Variants in SNX8 observed in about 807,000 individuals in gnomAD.
SNX8 encodes the protein sorting nexin-8.
A neutral mutation model predicts 51.6 loss-of-function variants in SNX8; 25 were observed. The ratio of observed to expected loss-of-function variants is 0.48; its 90% CI spans 0.35 to 0.68. The LOEUF is 0.68. Ranked by LOEUF, SNX8 falls within the 30% of genes least tolerant of loss-of-function variation. The probability of loss-of-function intolerance (pLI) is 0.00; values close to 1 mark genes in which losing one functional copy is unlikely to be tolerated. For missense variants in SNX8, 695 were observed against 624.0 expected (o/e 1.11, Z -1.21); for synonymous variants, 324 against 277.0 (o/e 1.17, Z -1.68).
intron 7 of SNX8, 65 bp downstream of exon 7, chr7:2,263,165 C>A: frequency 1.3e-6 from 2 of 1,552,954 alleles, no homozygotes; most frequent in South Asian, 1.2e-5. Flanking sequence ...AAGCAGGAGG[C>A]ACTCCCCATG....
chr7:2,343,447 G>A (rs979335140), intron 1 of SNX8, among the ~76,000 whole-genome samples: 4 of 151,776 alleles, frequency 2.6e-5, no homozygotes, highest in Non-Finnish European at 4.4e-5. Flanking sequence ...AGGCCGAGGC[G>A]GGCGGATCAC....
chr7:2,351,482 T>C (rs1394675805), intron 1 of SNX8, among the ~76,000 whole-genome samples: 1 of 151,820 alleles, frequency 6.6e-6, no homozygotes, highest in Non-Finnish European at 1.5e-5. Context: ...GAAGCTACAG[T>C]GAGGTGCGAC....
intron 2 of SNX8, 71 bp from the exon 3 acceptor site, chr7:2,275,300 AGC>A (rs1220784928): frequency 6.0e-5 from 62 of 1,039,894 alleles, no homozygotes; most frequent in Non-Finnish European, 9.4e-5. Context: ...CCCTCAACAG[AGC>A]CCGGGAAAAC....
Position 2,255,007 on chromosome 7 carries a change from G to T in SNX8, c.*49C>A. The stretch of plus-strand genomic sequence containing the variant: ...GAATTACACCGGGACACACCGTTTG[G>T]AAAGAGGTTTTAGTGCGGCCGCAGG... On this transcript the variant is annotated 3_prime_UTR_variant, in exon 11 of 11. Transcript: ENST00000222990. 1.6e-6 allele frequency: 2 copies of T among 1,236,860 alleles called. No individual in the cohort carries two copies. The highest frequency in any genetic ancestry group is 2.3e-6 in the Non-Finnish European group (2 of 862,492). The allele number at this position is 1,236,860 out of a possible 1,614,324, so 76.6% of individuals were successfully genotyped here.
At chr7:2,275,997 C>CAA (rs772419452) in intron 2 of SNX8, among the ~76,000 whole-genome samples, 24 of 105,004 alleles carry the variant, frequency 2.3e-4, no homozygotes, top group Admixed American at 3.0e-4. Context: ...GACTCCATTT[C>CAA]AAAAAAAAAA....
At position 2,322,295 on chromosome 7, in the gene SNX8, G is replaced by A. The variant is rs528510716; in HGVS notation, c.-66+31927C>T. 3.3e-5 allele frequency among the ~76,000 whole-genome samples: 5 copies of A among 152,296 alleles called. 1 individual carries two copies. Among genetic ancestry groups the A allele is most frequent in the South Asian group, 2.1e-4 (1 of 4,824 alleles). On this transcript the variant is annotated intron_variant, in intron 1 of 5. Transcript: ENST00000435336. Reference sequence around the variant, plus strand: ...CGCCTATAATTGCAGTGCTTTGGGAGGCCAAGGCAGGAGAAGTGCTTCAGT... The same window carrying A: ...CGCCTATAATTGCAGTGCTTTGGGAAGCCAAGGCAGGAGAAGTGCTTCAGT...
rs59666905 is a variant in SNX8 at position 2,297,437 on chromosome 7, C to G, written c.94+16891G>C. Among the ~76,000 whole-genome samples the G allele has an allele frequency of 4.1e-3, 610 of 148,688 alleles. 9 individuals carry two copies. The highest frequency in any genetic ancestry group is 0.014 in the African/African-American group (567 of 40,238). On this transcript the variant is annotated intron_variant, in intron 1 of 10. Transcript: ENST00000222990. ...CGGTGGCACATGCCTATAATCCCAG[C>G]TATTTGGGAGGCTGAGGCAGGAGAA...
chr7:2,270,314 CAAAAAAAAAA>C lies in SNX8; in HGVS notation c.541-685_541-676del, dbSNP rs57983721. 9.8e-3 allele frequency among the ~76,000 whole-genome samples: 557 copies of C among 57,098 alleles called. 13 individuals carry two copies. The highest frequency in any genetic ancestry group is 0.041 in the African/African-American group (531 of 12,860). 37.5% of individuals were successfully genotyped at this position (57,098 alleles called of 152,430 possible). The stretch of plus-strand genomic sequence containing the variant: ...ATCATCTGACTCAACTCTCATTTTA[CAAAAAAAAAA>C]AAAAAAAAAAAAAAAAAGACCTGAG... On this transcript the variant is annotated intron_variant, in intron 4 of 10. Transcript: ENST00000222990.
chr7:2,275,085 C>G, intron 3 of SNX8, 27 bp downstream of exon 3: 1 of 1,505,264 alleles, frequency 6.6e-7, no homozygotes, highest in Non-Finnish European at 9.3e-7. Context: ...TCCCTCCGCC[C>G]CCGGTGGGCA....
At chr7:2,346,616 G>T (rs1162249719) in intron 1 of SNX8, among the ~76,000 whole-genome samples, 1 of 150,964 alleles carries the variant, frequency 6.6e-6, no homozygotes, top group Non-Finnish European at 1.5e-5. Context: ...CGTGGTGGTG[G>T]GCACCTGTAG....
At chr7:2,299,384 G>T (rs966403541) in intron 1 of SNX8, 4 of 152,062 alleles carry the variant, frequency 2.6e-5, no homozygotes, top group African/African-American at 9.7e-5. Context: ...AGAGTCAAGG[G>T]ACAAGCGGAG....
In SNX8 at chr7:2,304,346, C is replaced by T. The variant is rs374014971; in HGVS notation, c.94+9982G>A. ...GATCACGAGGTCAGGAGATAGAGAC[C>T]ATCCTGGCTAACAGGGTGAAACCCC... On this transcript the variant is annotated intron_variant, in intron 1 of 10. Coordinates refer to ENST00000222990, the MANE Select transcript of SNX8 (RefSeq NM_013321.4). Among the ~76,000 whole-genome samples the T allele has an allele frequency of 1.3e-4, 19 of 151,300 alleles. No individual in the cohort carries two copies. In the East Asian group the frequency reaches 3.2e-3, roughly 25 times the overall value.
intron 1 of SNX8, among the ~76,000 whole-genome samples, chr7:2,290,366 C>T (rs754620796): frequency 4.6e-5 from 7 of 151,698 alleles, no homozygotes; most frequent in Non-Finnish European, 8.8e-5. Flanking sequence ...TAGCCAGGCA[C>T]GGTGATGCAT....
intron 4 of SNX8, among the ~76,000 whole-genome samples, chr7:2,271,354 T>C (rs1795640315): frequency 1.3e-5 from 2 of 152,228 alleles, no homozygotes; most frequent in African/African-American, 4.8e-5. Flanking sequence ...TGTAGCTTCT[T>C]GACACACAAT....
At chr7:2,322,529 T>C (rs1778543009) in intron 1 of SNX8, among the ~76,000 whole-genome samples, 1 of 151,856 alleles carries the variant, frequency 6.6e-6, no homozygotes, top group Admixed American at 6.6e-5. Context: ...ACCCCATCTC[T>C]ACTAAAAATA....
At chr7:2,327,406 A>AT (rs1778641747) in intron 1 of SNX8, among the ~76,000 whole-genome samples, 1 of 136,986 alleles carries the variant, frequency 7.3e-6, no homozygotes, top group African/African-American at 2.8e-5. Flanking sequence ...TGCCTGGCTA[A>AT]TTTTTTTATT....
intron 1 of SNX8, among the ~76,000 whole-genome samples, chr7:2,349,553 T>A (rs1207113940): frequency 6.6e-6 from 1 of 151,294 alleles, no homozygotes; most frequent in Non-Finnish European, 1.5e-5. Context: ...CAAGCGATTC[T>A]CCTGCCTCAG....
intron 5 of SNX8, among the ~76,000 whole-genome samples, chr7:2,267,823 T>C (rs1795509670): frequency 1.7e-5 from 2 of 117,126 alleles, no homozygotes; most frequent in African/African-American, 3.7e-5. Context: ...GTCTGGAAAG[T>C]GAGGAGCGTC....
At position 2,266,935 on chromosome 7, in the gene SNX8, A is replaced by G. The variant is rs561223119; in HGVS notation, c.622-2477T>C. On this transcript the variant is annotated intron_variant, in intron 5 of 10. Coordinates refer to ENST00000222990, the MANE Select transcript of SNX8 (RefSeq NM_013321.4). ...CATTTAATAATAAACAAATGTAACA[A>G]TGAATCCCCAGAAATCTGAAAAGGT... 2.1e-4 allele frequency among the ~76,000 whole-genome samples: 32 copies of G among 152,386 alleles called. 1 individual carries two copies. The highest frequency in any genetic ancestry group is 7.7e-4 in the African/African-American group (32 of 41,590).
Sources: gnomAD v4.1 joint callset for allele counts (sites outside exome capture counted in the v4.1 genomes callset) on GRCh38, gnomAD v4.1.1 for gene constraint, MANE v1.5 for transcripts, NCBI Gene and HGNC (gene_info 2026-07-23, HGNC 2026-07-21) for gene names.